Variants in ARHGAP10 observed in about 807,000 individuals in gnomAD.
ARHGAP10 encodes rho GTPase-activating protein 10.
A neutral mutation model predicts 108.6 loss-of-function variants in ARHGAP10; 87 were observed. The observed-to-expected ratio is 0.80, with a 90% CI of 0.67 to 0.96. The LOEUF (loss-of-function observed/expected upper bound fraction) is 0.96. Among genes scored for constraint, ARHGAP10 ranks in the 40% least tolerant of loss-of-function variants. The pLI is 0.00. For synonymous variants in ARHGAP10, 347 were observed against 341.1 expected, an observed-to-expected ratio of 1.02 and a Z score of -0.19; for missense variants, 939 against 954.5, an observed-to-expected ratio of 0.98 and a Z score of 0.21.
At chr4:147,800,088 G>A (rs144877361) in intron 1 of ARHGAP10, among the ~76,000 whole-genome samples, 107 of 152,202 alleles carry the variant, frequency 7.0e-4, no homozygotes, top group African/African-American at 2.5e-3. Flanking sequence ...GTTAGATGCC[G>A]CTAGGGCTGC....
Position 147,822,752 on chromosome 4 carries a change from T to G in ARHGAP10, c.180T>G (p.Phe60Leu), listed in dbSNP as rs1238971849. The G allele has an allele frequency of 6.2e-7, 1 of 1,614,244 alleles. No individual in the cohort carries two copies. The highest frequency in any genetic ancestry group is 1.1e-5 in the South Asian group (1 of 91,080). Residue 60 changes from phenylalanine (F) to leucine (L), a missense_variant, in exon 2 of 23, where the codon TTT (phenylalanine) becomes TTG (leucine). By Grantham distance (22) the Phe-to-Leu change is conservative. Coordinates refer to ENST00000336498, the MANE Select transcript of ARHGAP10 (RefSeq NM_024605.4). ...TKSLSVAQRKFAHSLRDFKFE... is the reference protein window; with the variant it reads ...TKSLSVAQRKLAHSLRDFKFE... ...GTCTGTCAGTGGCCCAGCGGAAGTT[T>G]GCTCATTCACTCAGAGACTTTAAGT...
At chr4:147,963,311 C>G (rs1739072983) in intron 16 of ARHGAP10, among the ~76,000 whole-genome samples, 1 of 152,160 alleles carries the variant, frequency 6.6e-6, no homozygotes, top group African/African-American at 2.4e-5. Flanking sequence ...GAACCCTTCC[C>G]CGTTCTTCAG....
At chr4:147,839,065 A>G (rs1401037069) in intron 3 of ARHGAP10, among the ~76,000 whole-genome samples, 1 of 152,120 alleles carries the variant, frequency 6.6e-6, no homozygotes, top group Non-Finnish European at 1.5e-5. Flanking sequence ...ATTTTGGGAA[A>G]AAGATTCCTT....
intron 19 of ARHGAP10, among the ~76,000 whole-genome samples, chr4:148,030,864 A>T (rs891205658): frequency 2.1e-5 from 3 of 145,770 alleles, no homozygotes; most frequent in Admixed American, 2.0e-4. Context: ...AGATGAAAGA[A>T]AAAAAAGAAA....
intron 1 of ARHGAP10, among the ~76,000 whole-genome samples, chr4:147,772,197 A>G (rs1171646317): frequency 1.3e-5 from 2 of 152,194 alleles, no homozygotes; most frequent in African/African-American, 4.8e-5. Flanking sequence ...AAACTGCGCT[A>G]GGCCCTTGTT....
At chr4:147,990,299 A>G (rs1331022567) in intron 18 of ARHGAP10, among the ~76,000 whole-genome samples, 2 of 152,188 alleles carry the variant, frequency 1.3e-5, no homozygotes, top group African/African-American at 2.4e-5. Flanking sequence ...TGGAATGGCA[A>G]ACAGTAACAT....
intron 18 of ARHGAP10, among the ~76,000 whole-genome samples, chr4:147,987,575 C>T (rs535461518): frequency 2.0e-5 from 3 of 152,340 alleles, no homozygotes; most frequent in East Asian, 1.9e-4. Flanking sequence ...TGCCTGTCTT[C>T]TCTGGGTCTG....
chr4:147,836,639 G>C (rs534073687), intron 3 of ARHGAP10, among the ~76,000 whole-genome samples: 10 of 79,924 alleles, frequency 1.3e-4, no homozygotes, highest in Non-Finnish European at 3.2e-4. Flanking sequence ...AGCTTTGTGC[G>C]TGGGTTCCTT....
chr4:147,952,133 C>A (rs1409680602), intron 15 of ARHGAP10, among the ~76,000 whole-genome samples: 1 of 152,170 alleles, frequency 6.6e-6, no homozygotes, highest in African/African-American at 2.4e-5. Flanking sequence ...TATAGATACA[C>A]CAGCATTTTA....
intron 13 of ARHGAP10, among the ~76,000 whole-genome samples, chr4:147,915,610 T>C (rs1736947898): frequency 6.6e-6 from 1 of 152,230 alleles, no homozygotes; most frequent in Admixed American, 6.5e-5. Context: ...TGAATATGTT[T>C]TTATAAGTAT....
chr4:148,040,771 G>C (rs1363714551), intron 19 of ARHGAP10, among the ~76,000 whole-genome samples: 1 of 151,988 alleles, frequency 6.6e-6, no homozygotes, highest in Non-Finnish European at 1.5e-5. Flanking sequence ...TGTGTAACAA[G>C]TTTATCAGGG....
chr4:148,028,708 A>T (rs927385085), intron 19 of ARHGAP10, among the ~76,000 whole-genome samples: 10 of 152,344 alleles, frequency 6.6e-5, no homozygotes, highest in South Asian at 2.1e-4. Flanking sequence ...TGCCAGTAGA[A>T]ATCTGAAAGG....
rs968530759 is a variant in ARHGAP10 at position 147,783,025 on chromosome 4, T to TTA, written c.155-39693_155-39692dup. ...TATAAATTATATACTATATGTTAAA[T>TTA]TATATATATAAATTATATACTATAT... On this transcript the variant is annotated intron_variant, in intron 1 of 22. Coordinates refer to ENST00000336498, the MANE Select transcript of ARHGAP10 (RefSeq NM_024605.4). 2.1e-5 allele frequency among the ~76,000 whole-genome samples: 3 copies of TTA among 139,898 alleles called. No individual in the cohort carries two copies. In the South Asian group the frequency reaches 6.5e-4, roughly 30 times the overall value. 91.8% of individuals were successfully genotyped at this position (139,898 alleles called of 152,430 possible). A position where few individuals can be genotyped will look rare whatever the true frequency, so the allele number is the denominator to read the frequency against.
chr4:148,012,700 T>G (rs1741211611), intron 18 of ARHGAP10, among the ~76,000 whole-genome samples: 1 of 152,196 alleles, frequency 6.6e-6, no homozygotes. Context: ...AAAACCACAG[T>G]TACTGTTGCA....
At chr4:147,807,620 A>G (rs564647896) in intron 1 of ARHGAP10, among the ~76,000 whole-genome samples, 1 of 152,338 alleles carries the variant, frequency 6.6e-6, no homozygotes, top group Admixed American at 6.5e-5. Flanking sequence ...AATCCAAAAA[A>G]AGGCCATAAA....
At chr4:147,779,733 GA>G (rs1436771591) in intron 1 of ARHGAP10, among the ~76,000 whole-genome samples, 7 of 152,210 alleles carry the variant, frequency 4.6e-5, no homozygotes, top group Non-Finnish European at 8.8e-5. Context: ...TTCCAAAGAT[GA>G]TTGCCTATCC....
rs1383849700 is a variant in ARHGAP10 at position 147,774,381 on chromosome 4, AT to A, written c.154+41927del. Among the ~76,000 whole-genome samples the A allele has an allele frequency of 3.9e-5, 6 of 152,136 alleles. No homozygotes were observed. In the East Asian group the frequency reaches 1.2e-3, roughly 29 times the overall value. On this transcript the variant is annotated intron_variant, in intron 1 of 22. Transcript: ENST00000336498. ...CAGAATTTATTTCTGCAGGTATCCA[AT>A]GTTGTTGGATGGGTTTGGTTTGCCT...
intron 13 of ARHGAP10, among the ~76,000 whole-genome samples, chr4:147,924,500 T>A (rs1016945971): frequency 3.3e-5 from 5 of 152,198 alleles, no homozygotes; most frequent in Non-Finnish European, 5.9e-5. Context: ...TATTTGGGGT[T>A]GGAGGTTGGG....
chr4:147,993,010 C>A (rs1239918665), intron 18 of ARHGAP10, among the ~76,000 whole-genome samples: 2 of 152,234 alleles, frequency 1.3e-5, no homozygotes, highest in Non-Finnish European at 2.9e-5. Context: ...ATTACTACTT[C>A]TTATGCAGAT....
Sources: allele counts gnomAD v4.1 joint callset (sites outside exome capture counted in the v4.1 genomes callset), GRCh38; gene constraint gnomAD v4.1.1; transcripts MANE v1.5; gene names NCBI Gene and HGNC (gene_info 2026-07-23, HGNC 2026-07-21).